Variants in ADGRL3 observed in about 807,000 individuals in gnomAD.
ADGRL3 encodes calcium-independent alpha-latrotoxin receptor 3.
A neutral mutation model predicts 153.5 loss-of-function variants in ADGRL3; 62 were observed. The observed-to-expected ratio is 0.40, with a 90% CI of 0.33 to 0.50. The LOEUF is 0.50. Among genes scored for constraint, ADGRL3 ranks in the 20% least tolerant of loss-of-function variants. ADGRL3 has a pLI of 0.47. For synonymous variants in ADGRL3, 710 were observed against 672.5 expected (o/e 1.06, Z -0.86); for missense variants, 1,641 against 1,859.4 (o/e 0.88, Z 2.16).
chr4:61,333,179 A>C (rs2095608367), intron 1 of ADGRL3, among the ~76,000 whole-genome samples: 1 of 151,808 alleles, frequency 6.6e-6, no homozygotes. Context: ...AATGAAAAAA[A>C]TATATTGGAA....
At chr4:61,288,162 C>T (rs1273488405) in intron 1 of ADGRL3, among the ~76,000 whole-genome samples, 1 of 151,884 alleles carries the variant, frequency 6.6e-6, no homozygotes, top group Non-Finnish European at 1.5e-5. Flanking sequence ...TTCTCCTTGT[C>T]ATGTTCCTCC....
At chr4:61,348,368 A>T (rs748298224) in intron 1 of ADGRL3, among the ~76,000 whole-genome samples, 2 of 152,030 alleles carry the variant, frequency 1.3e-5, no homozygotes, top group Non-Finnish European at 2.9e-5. Flanking sequence ...AAAAAATCAC[A>T]GTGTGCTTTT....
chr4:61,484,177 A>C (rs1462781658), intron 2 of ADGRL3, among the ~76,000 whole-genome samples: 2 of 152,004 alleles, frequency 1.3e-5, no homozygotes, highest in South Asian at 2.1e-4. Flanking sequence ...GTTTATCCTA[A>C]TGCTGCTCCA....
At chr4:61,638,946 T>C (rs909659340) in intron 5 of ADGRL3, among the ~76,000 whole-genome samples, 1 of 152,208 alleles carries the variant, frequency 6.6e-6, no homozygotes, top group Non-Finnish European at 1.5e-5. Context: ...ATGTCTCATA[T>C]ATGTGAAGTA....
intron 8 of ADGRL3, among the ~76,000 whole-genome samples, chr4:61,735,294 G>T (rs575106461): frequency 6.6e-6 from 1 of 152,338 alleles, no homozygotes; most frequent in East Asian, 1.9e-4. Context: ...AGAGGCTTCA[G>T]TCAGAGTGAC....
intron 5 of ADGRL3, among the ~76,000 whole-genome samples, chr4:61,646,248 G>A (rs1031703389): frequency 3.9e-5 from 6 of 152,096 alleles, no homozygotes; most frequent in Non-Finnish European, 4.4e-5. Flanking sequence ...CCCTAGCTCG[G>A]AGTAATTTGA....
chr4:62,015,659 T>C (rs1212297869), intron 21 of ADGRL3, among the ~76,000 whole-genome samples: 1 of 152,174 alleles, frequency 6.6e-6, no homozygotes, highest in Non-Finnish European at 1.5e-5. Context: ...GTTTTAATAA[T>C]GTGCATATCC....
intron 1 of ADGRL3, among the ~76,000 whole-genome samples, chr4:61,210,075 T>C (rs927120044): frequency 6.6e-6 from 1 of 152,200 alleles, no homozygotes; most frequent in Non-Finnish European, 1.5e-5. Flanking sequence ...AATTGACATA[T>C]GTATTTCAGT....
intron 12 of ADGRL3, 90 bp from the exon 13 acceptor site, chr4:61,912,629 G>T (rs1581429548): frequency 1.8e-6 from 2 of 1,139,228 alleles, no homozygotes; most frequent in Non-Finnish European, 2.6e-6. Context: ...GGTGTTTTGT[G>T]TAGATGTGTT....
intron 1 of ADGRL3, among the ~76,000 whole-genome samples, chr4:61,278,945 G>A (rs2093605968): frequency 6.6e-6 from 1 of 152,150 alleles, no homozygotes; most frequent in Non-Finnish European, 1.5e-5. Flanking sequence ...TTGCATGCAG[G>A]CATGCCAACG....
chr4:62,058,637 C>G (rs1230058983), intron 25 of ADGRL3, among the ~76,000 whole-genome samples: 1 of 152,068 alleles, frequency 6.6e-6, no homozygotes, highest in Non-Finnish European at 1.5e-5. Context: ...TCCCTGAGCC[C>G]CCAAAATTCA....
At chr4:61,533,787 TG>T (rs1329187957) in intron 4 of ADGRL3, among the ~76,000 whole-genome samples, 1 of 152,166 alleles carries the variant, frequency 6.6e-6, no homozygotes, top group African/African-American at 2.4e-5. Context: ...ACTCGTGAAA[TG>T]GACACTCTTT....
chr4:61,506,950 C>T (rs192223850), intron 3 of ADGRL3, among the ~76,000 whole-genome samples: 80 of 152,058 alleles, frequency 5.3e-4, no homozygotes, highest in Admixed American at 5.1e-3. Context: ...AAAAAAAACC[C>T]TCTGTATTTA....
intron 4 of ADGRL3, among the ~76,000 whole-genome samples, chr4:61,548,046 AT>A (rs1560821194): frequency 6.6e-6 from 1 of 151,576 alleles, no homozygotes; most frequent in African/African-American, 2.4e-5. Context: ...GATGTTGAGT[AT>A]TTTTTCATAT....
chr4:61,865,298 A>C (rs1393014391), intron 9 of ADGRL3, among the ~76,000 whole-genome samples: 2 of 152,220 alleles, frequency 1.3e-5, no homozygotes, highest in Admixed American at 1.3e-4. Context: ...GTAGTTTTGA[A>C]AGAAATTATT....
chr4:61,922,778 CAG>C (rs2098776040), intron 13 of ADGRL3, among the ~76,000 whole-genome samples: 1 of 152,146 alleles, frequency 6.6e-6, no homozygotes. Context: ...CGGGTGAACA[CAG>C]AGTTTCTGTC....
chr4:61,748,491 G>A (rs2152020597), intron 8 of ADGRL3, among the ~76,000 whole-genome samples: 1 of 151,872 alleles, frequency 6.6e-6, no homozygotes, highest in Non-Finnish European at 1.5e-5. Context: ...AAAACAGCAT[G>A]GTACTGGTAC....
At chr4:61,913,993 A>G (rs534912233) in intron 13 of ADGRL3, among the ~76,000 whole-genome samples, 1 of 152,294 alleles carries the variant, frequency 6.6e-6, no homozygotes, top group South Asian at 2.1e-4. Context: ...CTCAACAAAT[A>G]TTAGTGAACA....
At chr4:61,344,644 T>A (rs139454513) in intron 1 of ADGRL3, among the ~76,000 whole-genome samples, 218 of 152,300 alleles carry the variant, frequency 1.4e-3, no homozygotes, top group African/African-American at 4.9e-3. Flanking sequence ...ATGATCATTG[T>A]GCCTGTCCTG....
Sources: gnomAD v4.1 joint callset for allele counts (sites outside exome capture counted in the v4.1 genomes callset) on GRCh38, gnomAD v4.1.1 for gene constraint, MANE v1.5 for transcripts, NCBI Gene and HGNC (gene_info 2026-07-23, HGNC 2026-07-21) for gene names.